The following CD99L2 variants were observed in gnomAD, a reference collection of about 807,000 sequenced individuals.
The protein encoded by CD99L2 is CD99 antigen-like protein 2.
A neutral mutation model predicts 27.3 loss-of-function variants in CD99L2; 24 were observed. That is an observed-to-expected ratio of 0.88 (90% CI 0.64 to 1.24). CD99L2 has a LOEUF of 1.24. Among genes scored for constraint, CD99L2 ranks in the 50% most tolerant of loss-of-function variants. The probability of loss-of-function intolerance (pLI) is 0.00; values close to 1 mark genes in which losing one functional copy is unlikely to be tolerated. For missense variants in CD99L2, 255 were observed against 221.6 expected, an observed-to-expected ratio of 1.15 and a Z score of -0.96; for synonymous variants, 97 against 87.9, an observed-to-expected ratio of 1.10 and a Z score of -0.58.
chrX:150,799,348 A>C (rs1180762254), intron 4 of CD99L2, among the ~76,000 whole-genome samples: 1 of 104,743 alleles, frequency 9.5e-6, no homozygotes, highest in Non-Finnish European at 2.0e-5. Flanking sequence ...AAAAAAAAAA[A>C]CAACAACAAA....
chrX:150,878,597 T>A (rs1329953054), intron 1 of CD99L2, among the ~76,000 whole-genome samples: 1 of 109,243 alleles, frequency 9.2e-6, no homozygotes, highest in Admixed American at 9.7e-5. Context: ...TTCCTAAGAC[T>A]CTCACCTAGT....
chrX:150,786,822 A>C (rs781990658), intron 7 of CD99L2, among the ~76,000 whole-genome samples: 3 of 112,346 alleles, frequency 2.7e-5, no homozygotes, highest in Non-Finnish European at 5.6e-5. Context: ...GAACTAATTT[A>C]CATTCCCATC....
At chrX:150,783,194 C>T in intron 7 of CD99L2, among the ~76,000 whole-genome samples, 1 of 109,424 alleles carries the variant, frequency 9.1e-6, no homozygotes. Flanking sequence ...GGAGAAACAC[C>T]TAATGTACGT....
intron 1 of CD99L2, among the ~76,000 whole-genome samples, chrX:150,869,395 G>C (rs1285650360): frequency 8.9e-6 from 1 of 112,338 alleles, no homozygotes; most frequent in Non-Finnish European, 1.9e-5. Flanking sequence ...CTTGCATCCA[G>C]TCATTTCCTT....
chrX:150,844,017 C>T (rs1164044036), intron 1 of CD99L2, among the ~76,000 whole-genome samples: 5 of 112,250 alleles, frequency 4.5e-5, no homozygotes, highest in Non-Finnish European at 9.4e-5. Context: ...GGGATTGAAT[C>T]GTGACCCAGC....
intron 9 of CD99L2, among the ~76,000 whole-genome samples, chrX:150,770,883 TCCTCCCAGCAGCAGGAATAACC>T (rs2043439416): frequency 8.9e-6 from 1 of 112,433 alleles, no homozygotes; most frequent in Non-Finnish European, 1.9e-5. Flanking sequence ...GGCCAACTGC[TCCTCCCAGCAGCAGGAATAACC>T]GCTGTGTCCA....
intron 7 of CD99L2, among the ~76,000 whole-genome samples, chrX:150,784,877 A>G (rs1557419512): frequency 8.9e-6 from 1 of 112,138 alleles, no homozygotes; most frequent in Non-Finnish European, 1.9e-5. Context: ...ATCCTGTACC[A>G]GCGGAGTGAC....
At chrX:150,885,087 A>C (rs2047387529) in intron 1 of CD99L2, among the ~76,000 whole-genome samples, 1 of 111,225 alleles carries the variant, frequency 9.0e-6, no homozygotes, top group Non-Finnish European at 1.9e-5. Context: ...GGCTGCATAC[A>C]TAGGTGGCAG....
intron 1 of CD99L2, among the ~76,000 whole-genome samples, chrX:150,881,027 C>G (rs1366955706): frequency 9.0e-6 from 1 of 111,355 alleles, no homozygotes; most frequent in Non-Finnish European, 1.9e-5. Context: ...TGAGGCTGTC[C>G]TCTCCTGACT....
chrX:150,831,972 CTTT>C (rs782241153), intron 1 of CD99L2, among the ~76,000 whole-genome samples: 1 of 112,070 alleles, frequency 8.9e-6, no homozygotes, highest in Non-Finnish European at 1.9e-5. Flanking sequence ...CAATACCTTA[CTTT>C]CAACATTGAA....
chrX:150,897,192 A>G (rs1003028983), intron 1 of CD99L2, among the ~76,000 whole-genome samples: 3 of 112,739 alleles, frequency 2.7e-5, no homozygotes, highest in East Asian at 2.7e-4. Flanking sequence ...AGAAAATTCA[A>G]CAACTCTTTA....
chrX:150,793,607 C>G, intron 7 of CD99L2, 84 bp downstream of exon 7: 1 of 842,428 alleles, frequency 1.2e-6, no homozygotes, highest in Non-Finnish European at 1.7e-6. Context: ...CACTCATTTC[C>G]CAGAGGCTCA....
chrX:150,797,958 T>C (rs1181540030), intron 4 of CD99L2, among the ~76,000 whole-genome samples: 4 of 102,573 alleles, frequency 3.9e-5, no homozygotes, highest in Admixed American at 1.1e-4. Context: ...GATAGAAAGA[T>C]TGCTTGAGCC....
chrX:150,883,000 G>A (rs1350542309), intron 1 of CD99L2, among the ~76,000 whole-genome samples: 1 of 110,871 alleles, frequency 9.0e-6, no homozygotes, highest in East Asian at 2.8e-4. Flanking sequence ...GGCGAAACCC[G>A]TCCCTACTAA....
At chrX:150,829,577 T>C (rs1463954001) in intron 2 of CD99L2, 5 of 321,391 alleles carry the variant, frequency 1.6e-5, no homozygotes, top group African/African-American at 1.3e-4. Context: ...TTTTAAGCCA[T>C]CTAGTTTGTG....
Position 150,886,938 on chromosome X carries a change from G to A in CD99L2, c.67+11584C>T, listed in dbSNP as rs569153196. On this transcript the variant is annotated intron_variant, in intron 1 of 10. Transcript: ENST00000370377. Reference sequence around the variant, plus strand: ...TCCCAACACTTTGAGAGGCTGAGGCGGGAGGATCACTTGAGCCCAGGAGTT... The same window carrying A: ...TCCCAACACTTTGAGAGGCTGAGGCAGGAGGATCACTTGAGCCCAGGAGTT... Among the ~76,000 whole-genome samples, 28 of 111,154 alleles carry A rather than the reference G, an allele frequency of 2.5e-4. No individual in the cohort carries two copies. The South Asian group carries it at 8.0e-3, about 32-fold the overall frequency.
chrX:150,824,341 A>G (rs190986738), intron 2 of CD99L2, among the ~76,000 whole-genome samples: 1,269 of 92,746 alleles, frequency 0.014, 86 homozygotes, highest in African/African-American at 0.053. Context: ...GAAGAAGAAG[A>G]AAGAAGGAAG....
At chrX:150,848,713 T>C (rs912515849) in intron 1 of CD99L2, among the ~76,000 whole-genome samples, 3 of 111,410 alleles carry the variant, frequency 2.7e-5, no homozygotes, top group East Asian at 2.8e-4. Context: ...CAGTGTATAA[T>C]AGAGGTTCTC....
At chrX:150,769,777 G>A (rs2043401514) in intron 10 of CD99L2, among the ~76,000 whole-genome samples, 2 of 107,246 alleles carry the variant, frequency 1.9e-5, no homozygotes, top group Non-Finnish European at 3.8e-5. Context: ...TCGAGCAGTT[G>A]GGCACTCTAG....
Sources: allele counts gnomAD v4.1 joint callset (sites outside exome capture counted in the v4.1 genomes callset), GRCh38; gene constraint gnomAD v4.1.1; transcripts MANE v1.5; gene names NCBI Gene and HGNC (gene_info 2026-07-23, HGNC 2026-07-21).